The following OSBPL10 variants were observed in gnomAD, a reference collection of about 807,000 sequenced individuals.
OSBPL10 encodes the protein oxysterol-binding protein-related protein 10.
Under a neutral mutation model 81.7 loss-of-function variants are expected in OSBPL10, and 49 were observed. The observed-to-expected ratio is 0.60, with a 90% CI of 0.48 to 0.76. The LOEUF is 0.76. Among genes scored for constraint, OSBPL10 ranks in the 30% least tolerant of loss-of-function variants. The pLI, the probability that OSBPL10 is intolerant of heterozygous loss-of-function variation, is 0.00. For missense variants in OSBPL10, 923 were observed against 987.8 expected (o/e 0.93, Z 0.88); for synonymous variants, 419 against 383.6 (o/e 1.09, Z -1.08).
intron 1 of OSBPL10, among the ~76,000 whole-genome samples, chr3:31,964,307 C>T (rs1367410812): frequency 6.6e-6 from 1 of 152,032 alleles, no homozygotes; most frequent in East Asian, 1.9e-4. Flanking sequence ...CAGGTGTGCA[C>T]CACCACACCT....
intron 1 of OSBPL10, among the ~76,000 whole-genome samples, chr3:31,964,188 A>T (rs971367787): frequency 6.6e-6 from 1 of 152,102 alleles, no homozygotes; most frequent in Non-Finnish European, 1.5e-5. Context: ...ACAGGGTCTC[A>T]CACTGTCACC....
chr3:31,866,138 C>T (rs1034881324), intron 3 of OSBPL10, among the ~76,000 whole-genome samples: 2 of 152,148 alleles, frequency 1.3e-5, no homozygotes, highest in Non-Finnish European at 2.9e-5. Flanking sequence ...CCTAGATTGG[C>T]GGGAGGAACA....
intron 3 of OSBPL10, among the ~76,000 whole-genome samples, chr3:31,850,791 G>A (rs1700745889): frequency 6.6e-6 from 1 of 152,174 alleles, no homozygotes; most frequent in Non-Finnish European, 1.5e-5. Context: ...GCCTTGCAAT[G>A]TCGCTATAAA....
At chr3:32,035,257 A>G (rs567779180) in intron 2 of OSBPL10, among the ~76,000 whole-genome samples, 4 of 152,282 alleles carry the variant, frequency 2.6e-5, no homozygotes, top group African/African-American at 9.6e-5. Flanking sequence ...AATAAAACAA[A>G]AACTTACAAC....
At chr3:31,750,719 A>G (rs1697685905) in intron 4 of OSBPL10, among the ~76,000 whole-genome samples, 1 of 152,140 alleles carries the variant, frequency 6.6e-6, no homozygotes, top group Non-Finnish European at 1.5e-5. Context: ...TCATGATGAA[A>G]CATGATGCAT....
intron 1 of OSBPL10, among the ~76,000 whole-genome samples, chr3:31,917,212 A>G (rs769600739): frequency 3.3e-5 from 5 of 152,202 alleles, no homozygotes; most frequent in Admixed American, 1.3e-4. Context: ...TACAGCGTTC[A>G]TGTGAGGTGG....
intron 7 of OSBPL10, among the ~76,000 whole-genome samples, chr3:31,695,129 G>A (rs779135682): frequency 4.6e-5 from 7 of 152,126 alleles, no homozygotes; most frequent in African/African-American, 7.2e-5. Context: ...CCTCACCACC[G>A]GAGCACAGCT....
chr3:31,829,003 G>T (rs996875921), intron 4 of OSBPL10, among the ~76,000 whole-genome samples: 4 of 152,130 alleles, frequency 2.6e-5, no homozygotes, highest in Non-Finnish European at 4.4e-5. Flanking sequence ...CTACAGATTT[G>T]ATTCGGATTT....
chr3:31,945,694 G>A (rs764745865), intron 1 of OSBPL10, among the ~76,000 whole-genome samples: 5 of 152,146 alleles, frequency 3.3e-5, no homozygotes, highest in Non-Finnish European at 5.9e-5. Flanking sequence ...TTCTCCAGAC[G>A]CTCAGGATGC....
intron 2 of OSBPL10, among the ~76,000 whole-genome samples, chr3:32,029,980 C>A (rs1699451187): frequency 6.6e-6 from 1 of 152,136 alleles, no homozygotes; most frequent in Admixed American, 6.5e-5. Flanking sequence ...GCTTGTAAAC[C>A]ATTTCCTGAA....
intron 1 of OSBPL10, among the ~76,000 whole-genome samples, chr3:31,920,953 C>A (rs1696895637): frequency 6.6e-6 from 1 of 152,108 alleles, no homozygotes; most frequent in Non-Finnish European, 1.5e-5. Flanking sequence ...GCCTGCAGAA[C>A]CATGAGCCAA....
intron 4 of OSBPL10, among the ~76,000 whole-genome samples, chr3:31,810,057 G>A (rs1282798773): frequency 6.6e-6 from 1 of 151,928 alleles, no homozygotes; most frequent in South Asian, 2.1e-4. Flanking sequence ...CTTTGATAGA[G>A]ACAGGGTCTC....
At chr3:31,789,366 T>C (rs1008627569) in intron 4 of OSBPL10, among the ~76,000 whole-genome samples, 6 of 152,204 alleles carry the variant, frequency 3.9e-5, no homozygotes, top group Admixed American at 3.9e-4. Context: ...AAGGGGTCTT[T>C]CTTCAGGTCC....
intron 3 of OSBPL10, among the ~76,000 whole-genome samples, chr3:31,851,079 G>A (rs1700753814): frequency 6.6e-6 from 1 of 152,172 alleles, no homozygotes; most frequent in African/African-American, 2.4e-5. Flanking sequence ...AATTTCACAA[G>A]AGAAAAGATA....
chr3:31,828,406 A>G (rs1575570625), intron 4 of OSBPL10, among the ~76,000 whole-genome samples: 2 of 152,362 alleles, frequency 1.3e-5, no homozygotes, highest in African/African-American at 2.4e-5. Flanking sequence ...TCTATTTTGC[A>G]TATATTTGAA....
intron 2 of OSBPL10, among the ~76,000 whole-genome samples, chr3:31,997,297 A>G (rs9823787): frequency 0.34 from 51,042 of 150,476 alleles, 11,899 homozygotes; most frequent in African/African-American, 0.66. Context: ...TCTCGCCCTC[A>G]CTCTGTCGCC....
intron 4 of OSBPL10, chr3:31,796,154 TCA>T (rs1463958586): frequency 1.6e-5 from 3 of 188,260 alleles, no homozygotes; most frequent in Non-Finnish European, 3.6e-5. Flanking sequence ...ATCGAAGAAC[TCA>T]CAGTAGAAAG....
intron 4 of OSBPL10, among the ~76,000 whole-genome samples, chr3:31,793,768 T>A (rs529131521): frequency 6.6e-6 from 1 of 152,222 alleles, no homozygotes; most frequent in African/African-American, 2.4e-5. Context: ...AAAAAGTGGT[T>A]TTTTGACTAT....
chr3:31,833,717 A>ACGCG, intron 3 of OSBPL10, among the ~76,000 whole-genome samples: 1 of 151,622 alleles, frequency 6.6e-6, no homozygotes, highest in Admixed American at 6.6e-5. Context: ...ACACACACAC[A>ACGCG]CACACACACA....
Sources: allele counts gnomAD v4.1 joint callset (sites outside exome capture counted in the v4.1 genomes callset), GRCh38; gene constraint gnomAD v4.1.1; transcripts MANE v1.5; gene names NCBI Gene and HGNC (gene_info 2026-07-23, HGNC 2026-07-21).